The following PDE4D variants were observed in gnomAD, a reference collection of about 807,000 sequenced individuals.
PDE4D encodes the protein 3',5'-cyclic-AMP phosphodiesterase 4D.
PDE4D carries 24 observed loss-of-function variants against 87.4 expected under a neutral mutation model. The observed-to-expected ratio is 0.27, with a 90% CI of 0.20 to 0.39. PDE4D has a LOEUF of 0.39. Ranked by LOEUF, PDE4D falls within the 10% of genes least tolerant of loss-of-function variation. The pLI is 1.00. For synonymous variants in PDE4D, 384 were observed against 383.2 expected, an observed-to-expected ratio of 1.00 and a Z score of -0.02; for missense variants, 714 against 1,041.0, an observed-to-expected ratio of 0.69 and a Z score of 4.32.
chr5:60,194,190 C>T (rs1740938317), intron 1 of PDE4D, among the ~76,000 whole-genome samples: 1 of 151,600 alleles, frequency 6.6e-6, no homozygotes, highest in Non-Finnish European at 1.5e-5. Flanking sequence ...CCACTGTCTA[C>T]CCCTCAACCC....
chr5:59,376,073 C>G (rs1784679853), intron 1 of PDE4D, among the ~76,000 whole-genome samples: 1 of 152,166 alleles, frequency 6.6e-6, no homozygotes, highest in Non-Finnish European at 1.5e-5. Flanking sequence ...TACCCACAGT[C>G]AACATCATAC....
intron 3 of PDE4D, among the ~76,000 whole-genome samples, chr5:59,899,676 G>C (rs750349734): frequency 6.6e-6 from 1 of 152,096 alleles, no homozygotes; most frequent in Non-Finnish European, 1.5e-5. Flanking sequence ...TGGCAAGTTA[G>C]GCTTATCCAA....
At position 59,795,697 on chromosome 5, in the gene PDE4D, C is replaced by T. The variant is rs180816528; in HGVS notation, c.455+97471G>A. Among the ~76,000 whole-genome samples the T allele has an allele frequency of 3.9e-5, 6 of 152,258 alleles. No individual in the cohort carries two copies. The East Asian group carries it at 1.2e-3, about 29-fold the overall frequency. Reference sequence around the variant, plus strand: ...GGGTCCTTAGCACGGTACTAGGTCTCCACCTCCATGCACTACCCTGGTTCA... The same window carrying T: ...GGGTCCTTAGCACGGTACTAGGTCTTCACCTCCATGCACTACCCTGGTTCA... On this transcript the variant is annotated intron_variant, in intron 1 of 14. Coordinates refer to ENST00000340635, the MANE Select transcript of PDE4D (RefSeq NM_001104631.2).
chr5:60,335,276 A>T (rs1757652896), intron 1 of PDE4D: 1 of 152,274 alleles, frequency 6.6e-6, no homozygotes, highest in South Asian at 2.1e-4. Context: ...ATTTCAGAAG[A>T]GGAATGAGAG....
chr5:59,892,714 A>C lies in PDE4D; in HGVS notation c.455+454T>G, dbSNP rs1323850211. On this transcript the variant is annotated intron_variant, in intron 1 of 14. Coordinates refer to ENST00000340635, the MANE Select transcript of PDE4D (RefSeq NM_001104631.2). Reference sequence around the variant, plus strand: ...GAGCAGCCCCACCGACCCTCTTCCCAATAGGGTGAGTGGACAGATGCTGGG... The same window carrying C: ...GAGCAGCCCCACCGACCCTCTTCCCCATAGGGTGAGTGGACAGATGCTGGG... 3.9e-5 allele frequency among the ~76,000 whole-genome samples: 6 copies of C among 151,912 alleles called. 1 individual carries two copies. The highest frequency in any genetic ancestry group is 1.3e-4 in the Admixed American group (2 of 15,264).
intron 1 of PDE4D, among the ~76,000 whole-genome samples, chr5:59,516,248 A>C (rs1421846495): frequency 6.6e-6 from 1 of 152,218 alleles, no homozygotes; most frequent in African/African-American, 2.4e-5. Flanking sequence ...GATTCCCTTT[A>C]GAATCGATGT....
intron 1 of PDE4D, among the ~76,000 whole-genome samples, chr5:59,805,182 A>ACAG (rs1767604153): frequency 6.6e-6 from 1 of 152,216 alleles, no homozygotes; most frequent in Non-Finnish European, 1.5e-5. Flanking sequence ...TGGTTTGGAA[A>ACAG]ATAAAACAGA....
chr5:60,016,815 T>C (rs535892469), intron 2 of PDE4D, among the ~76,000 whole-genome samples: 7 of 152,330 alleles, frequency 4.6e-5, no homozygotes, highest in African/African-American at 1.7e-4. Context: ...AGGGTTAGCA[T>C]CAACTTCTTC....
chr5:60,063,154 G>T (rs575112370), intron 2 of PDE4D, among the ~76,000 whole-genome samples: 1 of 147,794 alleles, frequency 6.8e-6, no homozygotes, highest in East Asian at 2.0e-4. Context: ...AAGAAAGAAA[G>T]AAGGAAAGAA....
rs527846946 is a variant in PDE4D, at chr5:59,686,614, G to A, written c.455+206554C>T. ...ACACAGCAGCTGTTCAATAATATCT[G>A]TTGAGTGAATGAAAGAATAAGCAAA... On this transcript the variant is annotated intron_variant, in intron 1 of 14. Transcript: ENST00000340635. Among the ~76,000 whole-genome samples the A allele has an allele frequency of 3.3e-5, 5 of 152,244 alleles. No homozygotes were observed. In the East Asian group the frequency reaches 9.6e-4, roughly 29 times the overall value.
intron 1 of PDE4D, among the ~76,000 whole-genome samples, chr5:59,536,746 AT>A (rs753497048): frequency 6.6e-6 from 1 of 152,032 alleles, no homozygotes; most frequent in Non-Finnish European, 1.5e-5. Context: ...TTAATATGAG[AT>A]GTATTGTGTA....
intron 1 of PDE4D, among the ~76,000 whole-genome samples, chr5:59,747,389 C>G (rs1401864356): frequency 6.6e-6 from 1 of 152,192 alleles, no homozygotes; most frequent in Non-Finnish European, 1.5e-5. Flanking sequence ...AATATCTCAT[C>G]TCTGTTAAAC....
At chr5:59,591,323 C>G (rs1825886029) in intron 1 of PDE4D, among the ~76,000 whole-genome samples, 1 of 152,140 alleles carries the variant, frequency 6.6e-6, no homozygotes, top group African/African-American at 2.4e-5. Context: ...TAAGTTCAAC[C>G]TTTATGCTAG....
At chr5:59,565,576 G>A (rs571413675) in intron 1 of PDE4D, among the ~76,000 whole-genome samples, 1 of 152,320 alleles carries the variant, frequency 6.6e-6, no homozygotes, top group South Asian at 2.1e-4. Context: ...ATGGAGCCCA[G>A]AGGAGAAATA....
chr5:59,253,767 G>A (rs1416948330), intron 1 of PDE4D, among the ~76,000 whole-genome samples: 1 of 151,836 alleles, frequency 6.6e-6, no homozygotes, highest in Non-Finnish European at 1.5e-5. Flanking sequence ...TCATTAAAAA[G>A]GATATTAAAT....
At chr5:59,109,984 T>C (rs1466128447) in intron 5 of PDE4D, among the ~76,000 whole-genome samples, 4 of 152,194 alleles carry the variant, frequency 2.6e-5, no homozygotes, top group Non-Finnish European at 5.9e-5. Context: ...CTCGAGAGTG[T>C]GCCCATCCTC....
chr5:59,764,350 T>C (rs935322283), intron 1 of PDE4D, among the ~76,000 whole-genome samples: 1 of 152,218 alleles, frequency 6.6e-6, no homozygotes, highest in African/African-American at 2.4e-5. Context: ...TGTACTTAAT[T>C]AAACCACAAC....
At position 59,501,037 on chromosome 5, in the gene PDE4D, C is replaced by A. The variant is rs1108916; in HGVS notation, c.456-285069G>T. Among the ~76,000 whole-genome samples the A allele has an allele frequency of 4.4e-3, 666 of 152,216 alleles. 3 individuals are homozygous for A. Among genetic ancestry groups the A allele is most frequent in the African/African-American group, 0.015 (614 of 41,526 alleles). ...CAGATTCACATTATCACTTTTGAAT[C>A]TCTTATACTTGGTCTTCAGAAGTCC... On this transcript the variant is annotated intron_variant, in intron 1 of 14. Coordinates refer to ENST00000340635, the MANE Select transcript of PDE4D (RefSeq NM_001104631.2).
chr5:59,786,947 G>A (rs545477140), intron 1 of PDE4D, among the ~76,000 whole-genome samples: 1 of 152,222 alleles, frequency 6.6e-6, no homozygotes, highest in African/African-American at 2.4e-5. Flanking sequence ...AAACAAAAGC[G>A]ATAATAAAAA....
Sources: gnomAD v4.1 joint callset for allele counts (sites outside exome capture counted in the v4.1 genomes callset) on GRCh38, gnomAD v4.1.1 for gene constraint, MANE v1.5 for transcripts, NCBI Gene and HGNC (gene_info 2026-07-23, HGNC 2026-07-21) for gene names.